RASA2: variants seen among roughly 807,000 people sequenced by gnomAD.
RASA2 encodes the protein RAS p21 protein activator 2.
Under a neutral mutation model 118.2 loss-of-function variants are expected in RASA2, and 155 were observed. The observed-to-expected ratio is 1.31, with a 90% CI of 1.15 to 1.50. RASA2 has a LOEUF of 1.50. Among genes scored for constraint, RASA2 ranks in the 40% most tolerant of loss-of-function variants. The pLI is 0.00. For missense variants in RASA2, 1,016 were observed against 1,009.6 expected, an observed-to-expected ratio of 1.01 and a Z score of -0.09; for synonymous variants, 353 against 349.1, an observed-to-expected ratio of 1.01 and a Z score of -0.12.
intron 3 of RASA2, among the ~76,000 whole-genome samples, chr3:141,516,754 T>C (rs1018833147): frequency 1.3e-5 from 2 of 151,998 alleles, no homozygotes; most frequent in Non-Finnish European, 2.9e-5. Flanking sequence ...AAATGTGAAA[T>C]TTAAAAGGGC....
At position 141,515,898 on chromosome 3, in the gene RASA2, CA is replaced by C. The variant is rs35995449; in HGVS notation, c.252-413del. 2.5e-3 allele frequency among the ~76,000 whole-genome samples: 261 copies of C among 102,614 alleles called. 1 individual carries two copies. The highest frequency in any genetic ancestry group is 5.9e-3 in the African/African-American group (158 of 26,844). 67.3% of individuals were successfully genotyped at this position (102,614 alleles called of 152,430 possible). ...CTGGCAACAGAGCAAGACTCTGTCT[CA>C]AAAAAAAAAAAAAAAAGTGATATTA... On this transcript the variant is annotated intron_variant, in intron 2 of 23. Coordinates refer to ENST00000286364, the MANE Select transcript of RASA2 (RefSeq NM_006506.5).
intron 4 of RASA2, among the ~76,000 whole-genome samples, chr3:141,538,204 G>T (rs745484366): frequency 6.6e-6 from 1 of 151,946 alleles, no homozygotes; most frequent in Non-Finnish European, 1.5e-5. Flanking sequence ...TGTGTGAAAA[G>T]AGACTAAAAA....
rs1290917486 is a variant in RASA2 at position 141,543,381 on chromosome 3, A to G, written c.527+2772A>G. Among the ~76,000 whole-genome samples, 9 of 152,296 alleles carry G rather than the reference A, an allele frequency of 5.9e-5. No homozygotes were observed. In the South Asian group the frequency reaches 1.7e-3, roughly 28 times the overall value. On this transcript the variant is annotated intron_variant, in intron 5 of 23. Transcript: ENST00000286364. The stretch of plus-strand genomic sequence containing the variant: ...TGTCTTAAATATTTTGTCTACATAT[A>G]TTGAGAACCACATCAAACAATGTTA...
intron 9 of RASA2, among the ~76,000 whole-genome samples, chr3:141,570,386 A>G (rs1236281613): frequency 6.6e-6 from 1 of 151,760 alleles, no homozygotes; most frequent in Non-Finnish European, 1.5e-5. Flanking sequence ...TGCCGGACTG[A>G]TTTTTGTATT....
At chr3:141,492,204 A>G (rs1467030523) in intron 1 of RASA2, among the ~76,000 whole-genome samples, 1 of 152,218 alleles carries the variant, frequency 6.6e-6, no homozygotes, top group African/African-American at 2.4e-5. Context: ...AGTGACTAAT[A>G]TAGCCAGAAT....
chr3:141,573,356 G>A, intron 13 of RASA2, 135 bp downstream of exon 13: 3 of 914,736 alleles, frequency 3.3e-6, no homozygotes, highest in Non-Finnish European at 4.5e-6. Context: ...TTTATTATTA[G>A]CAGCACTTCC....
At chr3:141,515,656 C>G (rs2082011615) in intron 2 of RASA2, among the ~76,000 whole-genome samples, 1 of 152,000 alleles carries the variant, frequency 6.6e-6, no homozygotes, top group African/African-American at 2.4e-5. Flanking sequence ...AATCCCAGTA[C>G]TTTGGGAGGC....
chr3:141,487,409 C>T (rs1450180498), intron 1 of RASA2, among the ~76,000 whole-genome samples, 193 bp downstream of exon 1: 4 of 151,450 alleles, frequency 2.6e-5, no homozygotes, highest in African/African-American at 9.7e-5. Flanking sequence ...GCGGCGTGGG[C>T]CGGGGCTGCT....
At chr3:141,515,146 T>C (rs559545107) in intron 2 of RASA2, among the ~76,000 whole-genome samples, 12 of 152,346 alleles carry the variant, frequency 7.9e-5, no homozygotes, top group African/African-American at 2.2e-4. Context: ...TTGTAACTTA[T>C]AGCTCAATAA....
chr3:141,514,374 A>G (rs2081993473), intron 2 of RASA2, among the ~76,000 whole-genome samples: 1 of 152,242 alleles, frequency 6.6e-6, no homozygotes, highest in African/African-American at 2.4e-5. Context: ...CATAATCTGC[A>G]GTGATAGAAA....
chr3:141,531,450 A>G (rs1021405722), intron 4 of RASA2, among the ~76,000 whole-genome samples: 2 of 151,554 alleles, frequency 1.3e-5, no homozygotes, highest in Non-Finnish European at 3.0e-5. Context: ...ATATGTGTAT[A>G]TATGCATATG....
At chr3:141,580,571 C>CACACACAT (rs2083097164) in intron 16 of RASA2, 120 bp downstream of exon 16, 1 of 640,714 alleles carries the variant, frequency 1.6e-6, no homozygotes, top group Non-Finnish European at 2.6e-6. Context: ...CACACACACA[C>CACACACAT]ACACACAGAC....
chr3:141,491,434 T>A (rs965056157), intron 1 of RASA2, among the ~76,000 whole-genome samples: 1 of 152,212 alleles, frequency 6.6e-6, no homozygotes, highest in African/African-American at 2.4e-5. Context: ...CCTGTTAGAT[T>A]GTGAGCTCTT....
intron 6 of RASA2, among the ~76,000 whole-genome samples, chr3:141,555,582 C>G (rs958283415): frequency 6.6e-6 from 1 of 150,624 alleles, no homozygotes. Flanking sequence ...TTTAAAACCC[C>G]TGAAAAAGGT....
intron 14 of RASA2, 140 bp from the exon 15 acceptor site, chr3:141,576,860 C>A (rs1322585562): frequency 2.4e-6 from 1 of 416,432 alleles, no homozygotes; most frequent in Non-Finnish European, 4.2e-6. Context: ...ATAAATATCA[C>A]TATCATTTCA....
At chr3:141,567,130 TCCAGG>T (rs1279838395) in intron 9 of RASA2, among the ~76,000 whole-genome samples, 1 of 152,048 alleles carries the variant, frequency 6.6e-6, no homozygotes, top group Non-Finnish European at 1.5e-5. Flanking sequence ...AATAAATAAT[TCCAGG>T]CCAGGCATGG....
At chr3:141,588,413 G>C (rs1211667948) in intron 19 of RASA2, among the ~76,000 whole-genome samples, 1 of 152,194 alleles carries the variant, frequency 6.6e-6, no homozygotes, top group Non-Finnish European at 1.5e-5. Flanking sequence ...GCTTAACAGA[G>C]TACCTGAGCA....
intron 6 of RASA2, 123 bp from the exon 7 acceptor site, chr3:141,555,717 C>T: frequency 1.4e-6 from 1 of 733,026 alleles, no homozygotes; most frequent in Non-Finnish European, 2.2e-6. Flanking sequence ...ATATTTAAAA[C>T]TGAATCTTCC....
intron 5 of RASA2, among the ~76,000 whole-genome samples, chr3:141,544,039 C>T (rs1253279382): frequency 1.3e-5 from 2 of 151,962 alleles, no homozygotes; most frequent in African/African-American, 4.8e-5. Context: ...CCATGCCCAG[C>T]TAATTTTTAC....
Sources: allele counts gnomAD v4.1 joint callset (sites outside exome capture counted in the v4.1 genomes callset), GRCh38; gene constraint gnomAD v4.1.1; transcripts MANE v1.5; gene names NCBI Gene and HGNC (gene_info 2026-07-23, HGNC 2026-07-21).